Variants in GMDS observed in about 807,000 individuals in gnomAD.
GMDS encodes GDP-mannose 4,6-dehydratase.
Under a neutral mutation model 49.9 loss-of-function variants are expected in GMDS, and 20 were observed. The ratio of observed to expected loss-of-function variants is 0.40; its 90% CI spans 0.28 to 0.58. The LOEUF (loss-of-function observed/expected upper bound fraction) is 0.58. Among genes scored for constraint, GMDS ranks in the 20% least tolerant of loss-of-function variants. The pLI, the probability that GMDS is intolerant of heterozygous loss-of-function variation, is 0.42. For missense variants in GMDS, 362 were observed against 481.4 expected (o/e 0.75, Z 2.32); for synonymous variants, 177 against 178.6 (o/e 0.99, Z 0.07).
intron 4 of GMDS, among the ~76,000 whole-genome samples, chr6:2,094,623 C>T (rs1773492988): frequency 6.6e-6 from 1 of 152,134 alleles, no homozygotes; most frequent in Non-Finnish European, 1.5e-5. Context: ...GAGAACTTAC[C>T]TAAGAAGTGG....
At chr6:1,950,496 A>G (rs544737714) in intron 6 of GMDS, among the ~76,000 whole-genome samples, 10 of 152,326 alleles carry the variant, frequency 6.6e-5, no homozygotes, top group South Asian at 2.1e-4. Context: ...TCAGCCTCCA[A>G]TGATTAGAAG....
intron 9 of GMDS, among the ~76,000 whole-genome samples, chr6:1,658,042 G>A (rs1763945162): frequency 6.6e-6 from 1 of 152,218 alleles, no homozygotes; most frequent in East Asian, 1.9e-4. Context: ...GAGGCAGGGA[G>A]TGCCGGGGGT....
intron 9 of GMDS, among the ~76,000 whole-genome samples, chr6:1,652,696 T>C (rs1327271731): frequency 0.014 from 96 of 6,726 alleles, 26 homozygotes; most frequent in African/African-American, 0.031. Context: ...ATATATAATA[T>C]ATTATATATA....
At chr6:1,698,585 A>G (rs1765426444) in intron 9 of GMDS, among the ~76,000 whole-genome samples, 1 of 151,272 alleles carries the variant, frequency 6.6e-6, no homozygotes, top group Non-Finnish European at 1.5e-5. Context: ...CCGGGAGGTG[A>G]GCTGAGTCAG....
At chr6:1,628,019 C>T (rs1438079047) in intron 9 of GMDS, among the ~76,000 whole-genome samples, 1 of 152,208 alleles carries the variant, frequency 6.6e-6, no homozygotes, top group Non-Finnish European at 1.5e-5. Context: ...ATTTCTGACT[C>T]ACGGACTGTG....
intron 4 of GMDS, among the ~76,000 whole-genome samples, chr6:2,070,280 A>AG (rs1239313671): frequency 3.9e-5 from 3 of 76,872 alleles, no homozygotes; most frequent in African/African-American, 5.2e-5. Context: ...GGGTGGGGGG[A>AG]GGGGGGAGGG....
At chr6:1,796,780 C>T (rs1769749925) in intron 7 of GMDS, among the ~76,000 whole-genome samples, 1 of 152,212 alleles carries the variant, frequency 6.6e-6, no homozygotes, top group Non-Finnish European at 1.5e-5. Context: ...AAGCAGAGAA[C>T]AAGCTTCTTC....
chr6:1,877,789 G>A (rs923356461), intron 7 of GMDS, among the ~76,000 whole-genome samples: 5 of 152,078 alleles, frequency 3.3e-5, no homozygotes, highest in African/African-American at 1.2e-4. Context: ...TACATCCCAG[G>A]ATATGGGGGT....
At chr6:1,865,336 TACAGA>T (rs1758394524) in intron 7 of GMDS, among the ~76,000 whole-genome samples, 1 of 152,234 alleles carries the variant, frequency 6.6e-6, no homozygotes, top group Non-Finnish European at 1.5e-5. Flanking sequence ...TCAAGTCTAG[TACAGA>T]ATTGAGTTTG....
chr6:1,705,749 T>C (rs137948698), intron 9 of GMDS, among the ~76,000 whole-genome samples: 4 of 152,304 alleles, frequency 2.6e-5, no homozygotes, highest in African/African-American at 9.6e-5. Context: ...CTGGAGGACT[T>C]TCCAGAGGAA....
intron 1 of GMDS, among the ~76,000 whole-genome samples, chr6:2,154,237 C>A (rs1776990911): frequency 6.6e-6 from 1 of 152,198 alleles, no homozygotes; most frequent in East Asian, 1.9e-4. Flanking sequence ...TTTAGTCTTT[C>A]TTCTTCAGCT....
In GMDS at chr6:2,007,757, T is replaced by C. The variant is rs12200728; in HGVS notation, c.346-46791A>G. On this transcript the variant is annotated intron_variant, in intron 4 of 10. Transcript: ENST00000380815. ...GTTTTAATTTCCTGGCTTCCAAAGC[T>C]TAAGGGCTTTTGCACTGTTGAAAAC... Among the ~76,000 whole-genome samples the C allele has an allele frequency of 9.0e-3, 1,377 of 152,294 alleles. 6 individuals are homozygous for C. The highest frequency in any genetic ancestry group is 0.015 in the Non-Finnish European group (1,013 of 68,016).
chr6:2,211,391 T>C (rs1780054856), intron 1 of GMDS, among the ~76,000 whole-genome samples: 2 of 152,228 alleles, frequency 1.3e-5, no homozygotes, highest in Non-Finnish European at 1.5e-5. Context: ...CTCAAGTATC[T>C]ATTTGTTTTC....
At chr6:2,142,229 A>C (rs1776335490) in intron 1 of GMDS, among the ~76,000 whole-genome samples, 1 of 152,100 alleles carries the variant, frequency 6.6e-6, no homozygotes, top group Non-Finnish European at 1.5e-5. Context: ...TAACAACAAT[A>C]CCTGGCAAAA....
intron 4 of GMDS, among the ~76,000 whole-genome samples, chr6:2,074,603 T>C (rs911990868): frequency 6.6e-6 from 1 of 152,202 alleles, no homozygotes; most frequent in African/African-American, 2.4e-5. Context: ...TCCTTAAGTG[T>C]TTTCCCTATG....
At chr6:1,624,389 G>C in intron 10 of GMDS, 83 bp downstream of exon 10, 1 of 1,365,646 alleles carries the variant, frequency 7.3e-7, no homozygotes, top group Non-Finnish European at 1.0e-6. Flanking sequence ...CATCGCAGGC[G>C]CCTCAGGCGC....
chr6:1,624,669 G>A, intron 9 of GMDS, 129 bp from the exon 10 acceptor site: 1 of 661,748 alleles, frequency 1.5e-6, no homozygotes, highest in Non-Finnish European at 2.7e-6. Context: ...CCCTGCTTTC[G>A]GTCCCTGCTG....
intron 9 of GMDS, among the ~76,000 whole-genome samples, chr6:1,642,821 A>G (rs1763371535): frequency 6.6e-6 from 1 of 152,184 alleles, no homozygotes; most frequent in African/African-American, 2.4e-5. Context: ...GTCCAACAGG[A>G]AGATCAGGAT....
chr6:1,685,156 G>A lies in GMDS; in HGVS notation c.987+41260C>T, dbSNP rs146009498. On this transcript the variant is annotated intron_variant, in intron 9 of 10. Coordinates refer to ENST00000380815, the MANE Select transcript of GMDS (RefSeq NM_001500.4). ...TCATGCCTGTAATCCTAGCACTTTG[G>A]GAGGCCGAGGTGGGCAGATCACTTG... 7.4e-3 allele frequency among the ~76,000 whole-genome samples: 1,120 copies of A among 152,206 alleles called. 16 individuals carry two copies. Among genetic ancestry groups the A allele is most frequent in the African/African-American group, 0.026 (1,061 of 41,528 alleles).
Sources: allele counts gnomAD v4.1 joint callset (sites outside exome capture counted in the v4.1 genomes callset), GRCh38; gene constraint gnomAD v4.1.1; transcripts MANE v1.5; gene names NCBI Gene and HGNC (gene_info 2026-07-23, HGNC 2026-07-21).